Variants in PTPRR observed in about 807,000 individuals in gnomAD.
PTPRR encodes the protein protein tyrosine phosphatase receptor type R.
PTPRR carries 38 observed loss-of-function variants against 77.2 expected under a neutral mutation model. That is an observed-to-expected ratio of 0.49 (90% CI 0.38 to 0.65). The LOEUF (loss-of-function observed/expected upper bound fraction) is 0.65. Among genes scored for constraint, PTPRR ranks in the 30% least tolerant of loss-of-function variants. PTPRR has a pLI of 0.00. For missense variants in PTPRR, 744 were observed against 799.2 expected (o/e 0.93, Z 0.83); for synonymous variants, 299 against 283.1 (o/e 1.06, Z -0.57).
At chr12:70,888,262 TA>T (rs1893275704) in intron 2 of PTPRR, among the ~76,000 whole-genome samples, 1 of 152,028 alleles carries the variant, frequency 6.6e-6, no homozygotes, top group Admixed American at 6.5e-5. Context: ...GTTTTATGCT[TA>T]GCAAAAAATA....
chr12:70,842,044 A>C (rs1011865074), intron 2 of PTPRR, among the ~76,000 whole-genome samples: 1 of 152,208 alleles, frequency 6.6e-6, no homozygotes, highest in African/African-American at 2.4e-5. Context: ...TATTCCCTGA[A>C]GTAATTTACA....
chr12:70,850,128 G>A (rs913585195), intron 2 of PTPRR, among the ~76,000 whole-genome samples: 3 of 152,066 alleles, frequency 2.0e-5, no homozygotes, highest in African/African-American at 4.8e-5. Context: ...TTGGGAGGCC[G>A]AGGTGGGCAG....
At chr12:70,779,997 CTTT>C (rs376982227) in intron 2 of PTPRR, among the ~76,000 whole-genome samples, 1 of 146,196 alleles carries the variant, frequency 6.8e-6, no homozygotes, top group Non-Finnish European at 1.5e-5. Flanking sequence ...TTGAAACTCA[CTTT>C]TTTTTTTTTT....
chr12:70,843,191 T>C (rs1426492936), intron 2 of PTPRR, among the ~76,000 whole-genome samples: 2 of 152,172 alleles, frequency 1.3e-5, no homozygotes, highest in Admixed American at 1.3e-4. Context: ...TGTTGATTTG[T>C]TAAAATAATG....
chr12:70,777,140 T>G (rs1396174714), intron 2 of PTPRR, among the ~76,000 whole-genome samples: 1 of 152,068 alleles, frequency 6.6e-6, no homozygotes, highest in East Asian at 1.9e-4. Flanking sequence ...CACTAATATA[T>G]CTGAGATAGA....
intron 10 of PTPRR, among the ~76,000 whole-genome samples, chr12:70,677,857 T>C (rs951466653): frequency 6.6e-6 from 1 of 152,144 alleles, no homozygotes; most frequent in Non-Finnish European, 1.5e-5. Context: ...GAGTGACCTG[T>C]AGTTTCTTTT....
At chr12:70,834,623 T>C (rs1212848599) in intron 2 of PTPRR, among the ~76,000 whole-genome samples, 1 of 152,180 alleles carries the variant, frequency 6.6e-6, no homozygotes, top group East Asian at 1.9e-4. Flanking sequence ...GAGAATGTTA[T>C]TAACTGTTTT....
intron 6 of PTPRR, among the ~76,000 whole-genome samples, chr12:70,715,589 T>C (rs1318047237): frequency 6.6e-6 from 1 of 152,210 alleles, no homozygotes; most frequent in Non-Finnish European, 1.5e-5. Flanking sequence ...GGGGGGCCAG[T>C]TCAGAGACCC....
At chr12:70,753,838 T>C (rs1890479870) in intron 5 of PTPRR, among the ~76,000 whole-genome samples, 1 of 152,098 alleles carries the variant, frequency 6.6e-6, no homozygotes, top group South Asian at 2.1e-4. Context: ...TCCATAAAGA[T>C]GATATAAAAG....
intron 6 of PTPRR, among the ~76,000 whole-genome samples, chr12:70,722,107 G>A (rs1016975152): frequency 6.6e-6 from 1 of 152,112 alleles, no homozygotes; most frequent in African/African-American, 2.4e-5. Context: ...CCCCGTGGAC[G>A]CTTCCTTTCC....
At chr12:70,759,689 A>AC (rs1890644627) in intron 4 of PTPRR, among the ~76,000 whole-genome samples, 1 of 149,378 alleles carries the variant, frequency 6.7e-6, no homozygotes, top group African/African-American at 2.5e-5. Flanking sequence ...TAAAAAAAAA[A>AC]AAAAAAAAAA....
intron 5 of PTPRR, among the ~76,000 whole-genome samples, chr12:70,749,343 A>C (rs995252989): frequency 2.0e-5 from 3 of 152,148 alleles, no homozygotes; most frequent in Non-Finnish European, 4.4e-5. Context: ...TTTTTTCTGA[A>C]TCTTAGTTTT....
At chr12:70,801,934 G>A (rs1327289422) in intron 2 of PTPRR, among the ~76,000 whole-genome samples, 1 of 152,116 alleles carries the variant, frequency 6.6e-6, no homozygotes, top group Non-Finnish European at 1.5e-5. Context: ...AGAAGGTTTT[G>A]GCTTTCATCC....
At chr12:70,915,987 A>G (rs1373490263) in intron 1 of PTPRR, among the ~76,000 whole-genome samples, 2 of 152,174 alleles carry the variant, frequency 1.3e-5, no homozygotes, top group Non-Finnish European at 2.9e-5. Flanking sequence ...AATAATAAAC[A>G]AAACAGGCAA....
At chr12:70,650,483 C>T (rs1029026677) in intron 13 of PTPRR, among the ~76,000 whole-genome samples, 4 of 151,882 alleles carry the variant, frequency 2.6e-5, no homozygotes, top group Admixed American at 6.6e-5. Flanking sequence ...AGCTTTTCCC[C>T]GAACTTAGTC....
chr12:70,823,122 C>CACACACAG (rs1555178185), intron 2 of PTPRR, among the ~76,000 whole-genome samples: 1 of 133,170 alleles, frequency 7.5e-6, no homozygotes, highest in Non-Finnish European at 1.7e-5. Context: ...CACACACACA[C>CACACACAG]ACACACACAC....
In PTPRR at chr12:70,698,357, A is replaced by T. The variant is rs1888305654; in HGVS notation, c.1195-8T>A. On this transcript the variant is annotated splice_polypyrimidine_tract_variant and splice_region_variant and intron_variant, in intron 7 of 13. Coordinates refer to ENST00000283228, the MANE Select transcript of PTPRR (RefSeq NM_002849.4). Reference sequence around the variant, plus strand: ...AAAGTTCATTGGTATTTCCTGCAAAAATAAATAATATCAAATTAGTGTATC... The same window carrying T: ...AAAGTTCATTGGTATTTCCTGCAAATATAAATAATATCAAATTAGTGTATC... 5.6e-6 allele frequency: 9 copies of T among 1,608,248 alleles called. No homozygotes were observed. The highest frequency in any genetic ancestry group is 6.8e-6 in the Non-Finnish European group (8 of 1,175,308).
intron 10 of PTPRR, among the ~76,000 whole-genome samples, chr12:70,670,584 G>A (rs577432065): frequency 4.6e-5 from 7 of 152,180 alleles, no homozygotes; most frequent in Non-Finnish European, 8.8e-5. Flanking sequence ...CACTGTGTAT[G>A]TAATATGGTC....
chr12:70,706,222 T>C (rs1888614008), intron 6 of PTPRR, among the ~76,000 whole-genome samples: 1 of 152,082 alleles, frequency 6.6e-6, no homozygotes, highest in South Asian at 2.1e-4. Context: ...CATCTCTTTA[T>C]CTTCCAGTAA....
Sources: allele counts gnomAD v4.1 joint callset (sites outside exome capture counted in the v4.1 genomes callset), GRCh38; gene constraint gnomAD v4.1.1; transcripts MANE v1.5; gene names NCBI Gene and HGNC (gene_info 2026-07-23, HGNC 2026-07-21).